PLOD2: variants seen among roughly 807,000 people sequenced by gnomAD.
PLOD2 encodes procollagen-lysine,2-oxoglutarate 5-dioxygenase 2, also known as lysine hydroxylase 2.
A neutral mutation model predicts 101.0 loss-of-function variants in PLOD2; 65 were observed. The ratio of observed to expected loss-of-function variants is 0.64; its 90% CI spans 0.53 to 0.79. The LOEUF (loss-of-function observed/expected upper bound fraction) is 0.79. Ranked by LOEUF, PLOD2 falls within the 30% of genes least tolerant of loss-of-function variation. The probability of loss-of-function intolerance (pLI) is 0.00; values close to 1 mark genes in which losing one functional copy is unlikely to be tolerated. For missense variants in PLOD2, 909 were observed against 914.6 expected, an observed-to-expected ratio of 0.99 and a Z score of 0.08; for synonymous variants, 314 against 302.9, an observed-to-expected ratio of 1.04 and a Z score of -0.38.
chr3:146,080,787 A>C (rs145421502), intron 12 of PLOD2, among the ~76,000 whole-genome samples: 121 of 152,282 alleles, frequency 7.9e-4, no homozygotes, highest in African/African-American at 2.6e-3. Flanking sequence ...CAGAAACAAC[A>C]GAATACGATC....
chr3:146,088,871 A>C (rs1936877411), intron 8 of PLOD2, 160 bp from the exon 9 acceptor site: 1 of 641,610 alleles, frequency 1.6e-6, no homozygotes. Flanking sequence ...CTAACACTTG[A>C]AACAAATTTT....
chr3:146,070,785 G>C lies in PLOD2; in HGVS notation c.2209C>G (p.His737Asp). 6.2e-7 allele frequency: 1 copy of C among 1,607,402 alleles called. No homozygotes were observed. Among genetic ancestry groups the C allele is most frequent in the Non-Finnish European group, 8.5e-7 (1 of 1,174,598 alleles). ...TTAACAGGAAGTCCTTCATGCAAAT[G>C]TGTGAGTCTCCCAGGATGCATGAAG... ...WSFMHPGRLT[H>D]LHEGLPVKNG... Residue 737 changes from histidine (H) to aspartate (D), a missense_variant, in exon 20 of 20, where the codon CAT (histidine) becomes GAT (aspartate). His to Asp is a moderately conservative substitution (Grantham distance 81). Coordinates refer to ENST00000282903, the MANE Select transcript of PLOD2 (RefSeq NM_182943.3).
intron 11 of PLOD2, 128 bp from the exon 12 acceptor site, chr3:146,081,991 G>T: frequency 1.7e-6 from 1 of 595,912 alleles, no homozygotes; most frequent in Non-Finnish European, 2.7e-6. Context: ...CAACAAACCT[G>T]TAGTTAATAA....
intron 7 of PLOD2, among the ~76,000 whole-genome samples, chr3:146,102,251 A>G (rs1450197634): frequency 6.6e-6 from 1 of 152,220 alleles, no homozygotes; most frequent in African/African-American, 2.4e-5. Flanking sequence ...AGCAAGCTCA[A>G]TTATACACAT....
At chr3:146,107,784 C>T (rs1241314406) in intron 4 of PLOD2, among the ~76,000 whole-genome samples, 1 of 151,776 alleles carries the variant, frequency 6.6e-6, no homozygotes, top group Non-Finnish European at 1.5e-5. Flanking sequence ...GTTGGGATTA[C>T]AGGCACCCAT....
At chr3:146,107,337 T>C (rs1452847456) in intron 4 of PLOD2, among the ~76,000 whole-genome samples, 1 of 152,186 alleles carries the variant, frequency 6.6e-6, no homozygotes, top group Non-Finnish European at 1.5e-5. Flanking sequence ...ATTTGTCTAT[T>C]AAAGACACGA....
chr3:146,105,587 G>T (rs531491884), intron 5 of PLOD2, among the ~76,000 whole-genome samples: 1 of 152,300 alleles, frequency 6.6e-6, no homozygotes, highest in South Asian at 2.1e-4. Flanking sequence ...TGTCTTTTGA[G>T]TGGCTTTATT....
At chr3:146,144,138 A>C (rs2031659005) in intron 1 of PLOD2, among the ~76,000 whole-genome samples, 1 of 152,108 alleles carries the variant, frequency 6.6e-6, no homozygotes, top group South Asian at 2.1e-4. Flanking sequence ...CTTCAACCTA[A>C]TCACTCTAAT....
intron 3 of PLOD2, among the ~76,000 whole-genome samples, chr3:146,114,561 A>T (rs886953355): frequency 1.3e-5 from 2 of 152,180 alleles, no homozygotes; most frequent in African/African-American, 4.8e-5. Context: ...AACACAGATG[A>T]ATCCAACCAA....
intron 1 of PLOD2, among the ~76,000 whole-genome samples, chr3:146,127,499 G>T (rs959950459): frequency 3.3e-5 from 5 of 151,870 alleles, no homozygotes; most frequent in African/African-American, 1.2e-4. Context: ...CAAAGGACAG[G>T]ATTTCATTTT....
intron 1 of PLOD2, among the ~76,000 whole-genome samples, chr3:146,143,020 A>G (rs1416731258): frequency 6.6e-6 from 1 of 152,104 alleles, no homozygotes; most frequent in Admixed American, 6.6e-5. Flanking sequence ...CTATTTTTCA[A>G]TGCTATCGGC....
intron 1 of PLOD2, among the ~76,000 whole-genome samples, chr3:146,135,090 T>C (rs749374946): frequency 7.2e-5 from 11 of 152,166 alleles, no homozygotes; most frequent in Non-Finnish European, 8.8e-5. Context: ...GAACACATAA[T>C]AACATGATTT....
chr3:146,079,232 C>A lies in PLOD2; in HGVS notation c.1384G>T (p.Ala462Ser). ...TTTCCTTTAATTAAGTACACATTAG[C>A]CATATATGGGACATTCCATACTCCT... is the stretch of plus-strand genomic sequence containing the variant. ...RVGVWNVPYMANVYLIKGKTL... is the reference protein window; with the variant it reads ...RVGVWNVPYMSNVYLIKGKTL... Residue 462 changes from alanine to serine, a missense_variant, in exon 13 of 20, where the codon GCT becomes TCT. Physicochemically the swap from Ala to Ser is moderately conservative, Grantham distance 99 (BLOSUM62 1). Coordinates refer to ENST00000282903, the MANE Select transcript of PLOD2 (RefSeq NM_182943.3). 6.2e-7 allele frequency: 1 copy of A among 1,607,192 alleles called. No homozygotes were observed. The highest frequency in any genetic ancestry group is 8.5e-7 in the Non-Finnish European group (1 of 1,174,100).
At chr3:146,121,647 G>T (rs557403301) in intron 2 of PLOD2, among the ~76,000 whole-genome samples, 1 of 152,112 alleles carries the variant, frequency 6.6e-6, no homozygotes, top group African/African-American at 2.4e-5. Flanking sequence ...GTGACTCCTT[G>T]ATGAGGGGCC....
At chr3:146,148,819 A>G in intron 1 of PLOD2, among the ~76,000 whole-genome samples, 1 of 152,154 alleles carries the variant, frequency 6.6e-6, no homozygotes, top group African/African-American at 2.4e-5. Flanking sequence ...CAAATAAAAA[A>G]CAAATTCAGC....
intron 3 of PLOD2, among the ~76,000 whole-genome samples, chr3:146,113,694 C>A (rs936105590): frequency 6.6e-6 from 1 of 152,046 alleles, no homozygotes; most frequent in East Asian, 1.9e-4. Context: ...TGAGGATGTG[C>A]GTAGCCTTAG....
At chr3:146,077,682 C>G in intron 14 of PLOD2, 180 bp downstream of exon 14, 1 of 497,886 alleles carries the variant, frequency 2.0e-6, no homozygotes, top group Non-Finnish European at 3.5e-6. Flanking sequence ...CAAGAGTTGA[C>G]TATCACACAA....
At chr3:146,106,205 A>G (rs1937532197) in intron 5 of PLOD2, among the ~76,000 whole-genome samples, 1 of 152,172 alleles carries the variant, frequency 6.6e-6, no homozygotes, top group South Asian at 2.1e-4. Context: ...TCATTTTAGT[A>G]TCAAGTCATT....
intron 3 of PLOD2, among the ~76,000 whole-genome samples, chr3:146,116,250 GACACAGAC>G (rs1430922519): frequency 1.3e-5 from 2 of 151,330 alleles, no homozygotes; most frequent in South Asian, 2.1e-4. Context: ...CAGACACACA[GACACAGAC>G]ACACAGACAC....
Sources: allele counts gnomAD v4.1 joint callset (sites outside exome capture counted in the v4.1 genomes callset), GRCh38; gene constraint gnomAD v4.1.1; transcripts MANE v1.5; gene names NCBI Gene and HGNC (gene_info 2026-07-23, HGNC 2026-07-21).